Variants in LINC01488 observed in about 807,000 individuals in gnomAD.
The protein encoded by LINC01488 is long independently transcribed non-coding RNA 1488, also known as CCND1-upstream intergenic DNA repair 1.
intron 1 of LINC01488, among the ~76,000 whole-genome samples, chr11:69,489,682 G>A (rs555479586): frequency 2.0e-5 from 3 of 152,366 alleles, no homozygotes; most frequent in East Asian, 3.9e-4. Flanking sequence ...AGGCTCCCCC[G>A]CAGGGACAGG....
At chr11:69,485,204 CAG>C (rs2134967059) in intron 1 of LINC01488, among the ~76,000 whole-genome samples, 1 of 152,274 alleles carries the variant, frequency 6.6e-6, no homozygotes, top group African/African-American at 2.4e-5. Flanking sequence ...GATGAGGATC[CAG>C]AGAGTAGGAG....
intron 1 of LINC01488, chr11:69,485,752 A>G (rs913994849): frequency 2.6e-5 from 4 of 152,228 alleles, no homozygotes; most frequent in Non-Finnish European, 5.9e-5. Context: ...TGGGCAGACG[A>G]CAGGGCCAAT....
intron 1 of LINC01488, among the ~76,000 whole-genome samples, chr11:69,482,412 A>G (rs868710345): frequency 8.9e-4 from 128 of 143,260 alleles, no homozygotes; most frequent in African/African-American, 3.2e-3. Flanking sequence ...GGATGGATGA[A>G]TGGATGGATG....
At chr11:69,483,585 C>T (rs1857068090) in intron 1 of LINC01488, among the ~76,000 whole-genome samples, 1 of 152,176 alleles carries the variant, frequency 6.6e-6, no homozygotes, top group Admixed American at 6.5e-5. Context: ...TTGTCTGTGA[C>T]CCGGGCTCAG....
chr11:69,488,193 T>C (rs1172813554), intron 1 of LINC01488: 1 of 152,450 alleles, frequency 6.6e-6, no homozygotes, highest in Non-Finnish European at 1.5e-5. Context: ...AAGAACATCA[T>C]GATGCATCCC....
intron 1 of LINC01488, among the ~76,000 whole-genome samples, chr11:69,485,407 A>G (rs1055010433): frequency 3.3e-5 from 5 of 152,198 alleles, no homozygotes; most frequent in Non-Finnish European, 7.3e-5. Context: ...CATTCATTCA[A>G]CAAATATTTG....
chr11:69,487,288 G>A (rs1857139791), intron 1 of LINC01488, among the ~76,000 whole-genome samples: 1 of 152,200 alleles, frequency 6.6e-6, no homozygotes, highest in African/African-American at 2.4e-5. Context: ...AGAGCCAGCT[G>A]GACAGGGTGG....
intron 1 of LINC01488, among the ~76,000 whole-genome samples, chr11:69,482,191 A>G (rs1025185908): frequency 6.6e-6 from 1 of 152,246 alleles, no homozygotes; most frequent in African/African-American, 2.4e-5. Context: ...CACATCTTAC[A>G]TGGAGGCAGG....
At chr11:69,489,946 C>T (rs1000233683) in intron 1 of LINC01488, among the ~76,000 whole-genome samples, 55 of 152,314 alleles carry the variant, frequency 3.6e-4, no homozygotes, top group African/African-American at 1.2e-3. Context: ...GTGCCAATCC[C>T]AGGTCCCAGC....
intron 2 of LINC01488, chr11:69,490,654 C>T (rs1420705116): frequency 6.6e-6 from 1 of 152,226 alleles, no homozygotes; most frequent in South Asian, 2.1e-4. Flanking sequence ...CAGACAGAGT[C>T]CAGACGTCTC....
chr11:69,482,622 AATGG>A (rs1449290162), intron 1 of LINC01488, among the ~76,000 whole-genome samples: 1 of 151,124 alleles, frequency 6.6e-6, no homozygotes. Context: ...TGGATGGGTA[AATGG>A]ATGGATGGAT....
chr11:69,489,884 G>T (rs1197195592), intron 1 of LINC01488, among the ~76,000 whole-genome samples: 1 of 152,192 alleles, frequency 6.6e-6, no homozygotes, highest in Non-Finnish European at 1.5e-5. Flanking sequence ...GGGTGAGGAG[G>T]GTAAGCTTCC....
At chr11:69,486,798 T>C (rs933045285) in intron 1 of LINC01488, among the ~76,000 whole-genome samples, 24 of 152,116 alleles carry the variant, frequency 1.6e-4, no homozygotes, top group Admixed American at 4.6e-4. Context: ...GGCTTTGAAC[T>C]CCCAGCCAGC....
intron 1 of LINC01488, among the ~76,000 whole-genome samples, chr11:69,489,066 C>T (rs970472334): frequency 6.6e-6 from 1 of 152,206 alleles, no homozygotes; most frequent in Non-Finnish European, 1.5e-5. Flanking sequence ...GGAAGCTATG[C>T]CTTGGTCTAA....
At chr11:69,485,742 T>G (rs1213719780) in intron 1 of LINC01488, 1 of 152,232 alleles carries the variant, frequency 6.6e-6, no homozygotes, top group Admixed American at 6.5e-5. Context: ...ACAGCATCTG[T>G]GGGCAGACGA....
At chr11:69,488,637 G>A (rs891802062) in intron 1 of LINC01488, among the ~76,000 whole-genome samples, 12 of 152,238 alleles carry the variant, frequency 7.9e-5, no homozygotes, top group South Asian at 4.1e-4. Flanking sequence ...GCCGCCTGTC[G>A]GGGGCGATCA....
At chr11:69,488,540 G>A (rs951649005) in intron 1 of LINC01488, among the ~76,000 whole-genome samples, 11 of 152,232 alleles carry the variant, frequency 7.2e-5, no homozygotes, top group Non-Finnish European at 1.3e-4. Flanking sequence ...CAGAAAAGGC[G>A]CCTTTGTCAA....
intron 1 of LINC01488, among the ~76,000 whole-genome samples, chr11:69,484,160 C>T (rs186690699): frequency 3.9e-5 from 6 of 152,292 alleles, no homozygotes; most frequent in South Asian, 2.1e-4. Flanking sequence ...TTAGAACCTG[C>T]GTTCTGCAGC....
chr11:69,489,891 T>C (rs1174996785), intron 1 of LINC01488, among the ~76,000 whole-genome samples: 2 of 152,148 alleles, frequency 1.3e-5, no homozygotes, highest in African/African-American at 2.4e-5. Context: ...GAGGGTAAGC[T>C]TCCAGGGTCA....
Sources: allele counts gnomAD v4.1 joint callset (sites outside exome capture counted in the v4.1 genomes callset), GRCh38; gene constraint gnomAD v4.1.1; transcripts MANE v1.5; gene names NCBI Gene and HGNC (gene_info 2026-07-23, HGNC 2026-07-21).